Variants in SORL1 observed in about 807,000 individuals in gnomAD.
SORL1 encodes the protein sortilin related receptor 1, also known as sortilin-related receptor.
SORL1 carries 127 observed loss-of-function variants against 273.7 expected under a neutral mutation model. That is an observed-to-expected ratio of 0.46 (90% CI 0.40 to 0.54). SORL1 has a LOEUF of 0.54. Ranked by LOEUF, SORL1 falls within the 20% of genes least tolerant of loss-of-function variation. The probability of loss-of-function intolerance (pLI) is 0.00; values close to 1 mark genes in which losing one functional copy is unlikely to be tolerated. For missense variants in SORL1, 2,494 were observed against 2,846.1 expected, an observed-to-expected ratio of 0.88 and a Z score of 2.81; for synonymous variants, 1,031 against 1,067.4, an observed-to-expected ratio of 0.97 and a Z score of 0.66.
chr11:121,568,993 A>G (rs1203368151), intron 22 of SORL1, among the ~76,000 whole-genome samples: 1 of 152,216 alleles, frequency 6.6e-6, no homozygotes. Flanking sequence ...GACCAGCTGA[A>G]GCCATGGCAG....
intron 11 of SORL1, among the ~76,000 whole-genome samples, chr11:121,525,844 A>G (rs1862113499): frequency 6.6e-6 from 1 of 152,124 alleles, no homozygotes; most frequent in Non-Finnish European, 1.5e-5. Flanking sequence ...AGCCATGGGC[A>G]ACATAGGGAA....
intron 46 of SORL1, chr11:121,626,640 C>G (rs922554286): frequency 1.3e-5 from 2 of 152,376 alleles, no homozygotes; most frequent in African/African-American, 4.8e-5. Flanking sequence ...TGCGCCACCT[C>G]TCCCGACACC....
At position 121,550,916 on chromosome 11, in the gene SORL1, T is replaced by C. The variant is rs1403175043; in HGVS notation, c.2266+246T>C. The stretch of plus-strand genomic sequence containing the variant: ...TCAGTTTCTTTGAGGGAAATCCCTT[T>C]GTTAATTGAAAAATATTTATTCAGC... On this transcript the variant is annotated intron_variant, in intron 16 of 47. Coordinates refer to ENST00000260197, the MANE Select transcript of SORL1 (RefSeq NM_003105.6). The surrounding 1 kb of genome is among the most constrained non-coding windows in gnomAD (Gnocchi z 5.3). 6.6e-6 allele frequency among the ~76,000 whole-genome samples: 1 copy of C among 152,210 alleles called. No homozygotes were observed. The highest frequency in any genetic ancestry group is 1.5e-5 in the Non-Finnish European group (1 of 68,036).
At position 121,606,912 on chromosome 11, in the gene SORL1, C is replaced by G. The variant is rs919631383; in HGVS notation, c.5016C>G (p.His1672Gln). 4 of 1,614,170 alleles carry G rather than the reference C, an allele frequency of 2.5e-6. No individual in the cohort carries two copies. Among genetic ancestry groups the G allele is most frequent in the Non-Finnish European group, 3.4e-6 (4 of 1,179,990 alleles). ...PREAEGVIVG[H>Q]WAPPIHTHGL... ...AAGCAGAAGGTGTGATTGTAGGCCA[C>G]TGGGCTCCTCCCATCCACACCCATG... Residue 1672 changes from histidine (H) to glutamine (Q), a missense_variant, in exon 36 of 48, where the codon CAC (histidine) becomes CAG (glutamine). His to Gln is a conservative substitution (Grantham distance 24, BLOSUM62 0). Transcript: ENST00000260197.
At chr11:121,589,546 G>A (rs965260447) in intron 29 of SORL1, among the ~76,000 whole-genome samples, 156 bp downstream of exon 29, 4 of 152,210 alleles carry the variant, frequency 2.6e-5, no homozygotes, top group African/African-American at 9.6e-5. Context: ...TACGAGTTGA[G>A]TCTTGAAGGG....
rs1458067584 is a variant in SORL1, at chr11:121,458,001, C to G, written c.285+5385C>G. 3.3e-5 allele frequency among the ~76,000 whole-genome samples: 5 copies of G among 152,304 alleles called. No homozygotes were observed. The East Asian group carries it at 9.6e-4, about 29-fold the overall frequency. ...GTCTGTTCCTCCTTAGAGATGACAG[C>G]CATCTTCATAGTGTCATTGTTGAAT... On this transcript the variant is annotated intron_variant, in intron 1 of 47. Coordinates refer to ENST00000260197, the MANE Select transcript of SORL1 (RefSeq NM_003105.6).
chr11:121,456,585 T>C (rs1035066771), intron 1 of SORL1, among the ~76,000 whole-genome samples: 2 of 152,208 alleles, frequency 1.3e-5, no homozygotes, highest in Non-Finnish European at 2.9e-5. Context: ...GCCTGTGCTA[T>C]ATGGGAGTTA....
At chr11:121,498,545 G>A (rs912099280) in intron 6 of SORL1, among the ~76,000 whole-genome samples, 18 of 152,182 alleles carry the variant, frequency 1.2e-4, no homozygotes, top group African/African-American at 4.1e-4. Context: ...TCTCTTAACC[G>A]GGTTATTTCT....
chr11:121,550,808 C>T lies in SORL1; in HGVS notation c.2266+138C>T. The stretch of plus-strand genomic sequence containing the variant: ...GCCGTCACAAGCATCACAGGGCTTC[C>T]TCTTTTCCCTAAGGTTGGTTTCCAC... On this transcript the variant is annotated intron_variant, in intron 16 of 47. Coordinates refer to ENST00000260197, the MANE Select transcript of SORL1 (RefSeq NM_003105.6). This position sits in a 1 kb window ranked among gnomAD's most constrained non-coding sequence, Gnocchi z 5.3. 1.5e-6 allele frequency: 1 copy of T among 660,620 alleles called. No individual in the cohort carries two copies. 40.9% of individuals were successfully genotyped at this position (660,620 alleles called of 1,614,324 possible).
chr11:121,549,107 G>T (rs1318055741), intron 14 of SORL1, among the ~76,000 whole-genome samples: 1 of 152,192 alleles, frequency 6.6e-6, no homozygotes, highest in East Asian at 1.9e-4. Context: ...GGGAGGTTTG[G>T]CAGATGTGAC....
At chr11:121,611,054 T>C in intron 38 of SORL1, 22 bp from the exon 39 acceptor site, 1 of 1,582,400 alleles carries the variant, frequency 6.3e-7, no homozygotes, top group African/African-American at 1.3e-5. Flanking sequence ...GCTTCTGTTT[T>C]TGAATTCCTT....
rs1863282656 is a variant in SORL1 at position 121,595,640 on chromosome 11, T to G, written c.4387T>G (p.Ser1463Ala). ...TATTTTAGCAAACGTCACTGCTGCCTCCACTCCCACCCAACTTGGGCGATG... is the reference window on the plus strand; with the variant it reads ...TATTTTAGCAAACGTCACTGCTGCCGCCACTCCCACCCAACTTGGGCGATG... Reference protein sequence around the residue: ...CPLLANVTAASTPTQLGRCDR... With the variant: ...CPLLANVTAAATPTQLGRCDR... Residue 1463 changes from serine (S) to alanine (A), a missense_variant, in exon 32 of 48, where the codon TCC becomes GCC. This residue lies in a region of SORL1 where 1,609 missense variants were observed against 1,816.4 expected (regional missense o/e 0.89). Transcript: ENST00000260197. This position sits in a 1 kb window ranked among gnomAD's most constrained non-coding sequence, Gnocchi z 5.1. The G allele has an allele frequency of 6.2e-7, 1 of 1,607,516 alleles. No individual in the cohort carries two copies. Among genetic ancestry groups the G allele is most frequent in the African/African-American group, 1.3e-5 (1 of 74,814 alleles).
chr11:121,523,640 C>T (rs536353452), intron 11 of SORL1, among the ~76,000 whole-genome samples: 1 of 152,116 alleles, frequency 6.6e-6, no homozygotes, highest in African/African-American at 2.4e-5. Context: ...TGTTGCCAGC[C>T]TCCCATTGAT....
At chr11:121,586,693 TGGGGGGGGGGGCG>T (rs1863117015) in intron 27 of SORL1, among the ~76,000 whole-genome samples, 1 of 97,160 alleles carries the variant, frequency 1.0e-5, no homozygotes, top group Admixed American at 1.2e-4. Flanking sequence ...GGGGGTAGAG[TGGGGGGGGGGGCG>T]GGGGGGGGGC....
In SORL1 at chr11:121,554,456, A is replaced by G. The variant is rs939350072; in HGVS notation, c.2439+347A>G. ...TGAGCATCTTTCTTCCCAAGCCATG[A>G]TACAGTAACACTTGACTTACCCATA... is the stretch of plus-strand genomic sequence containing the variant. On this transcript the variant is annotated intron_variant, in intron 17 of 47. Coordinates refer to ENST00000260197, the MANE Select transcript of SORL1 (RefSeq NM_003105.6). This position sits in a 1 kb window ranked among gnomAD's most constrained non-coding sequence, Gnocchi z 4.6. Among the ~76,000 whole-genome samples the G allele has an allele frequency of 1.3e-5, 2 of 152,146 alleles. No homozygotes were observed. Among genetic ancestry groups the G allele is most frequent in the Non-Finnish European group, 2.9e-5 (2 of 68,028 alleles).
At chr11:121,462,271 T>G (rs1247647140) in intron 1 of SORL1, among the ~76,000 whole-genome samples, 1 of 152,180 alleles carries the variant, frequency 6.6e-6, no homozygotes, top group Non-Finnish European at 1.5e-5. Context: ...CACACTGATC[T>G]TGTAATTTTT....
At chr11:121,500,975 A>G (rs755260960) in intron 6 of SORL1, among the ~76,000 whole-genome samples, 22 of 152,246 alleles carry the variant, frequency 1.4e-4, no homozygotes, top group Non-Finnish European at 2.8e-4. Context: ...GTAACAGAAC[A>G]GTTTAGTAAC....
At chr11:121,509,931 C>A (rs1037528951) in intron 6 of SORL1, among the ~76,000 whole-genome samples, 1 of 152,138 alleles carries the variant, frequency 6.6e-6, no homozygotes, top group Non-Finnish European at 1.5e-5. Flanking sequence ...GTTGGTACAA[C>A]CTTTCAGGAG....
At chr11:121,579,680 T>C (rs1439937642) in intron 25 of SORL1, among the ~76,000 whole-genome samples, 4 of 152,248 alleles carry the variant, frequency 2.6e-5, no homozygotes, top group Admixed American at 2.0e-4. Flanking sequence ...ATACCTAGTA[T>C]TTTAAACACT....
Sources: gnomAD v4.1 joint callset for allele counts (sites outside exome capture counted in the v4.1 genomes callset) on GRCh38, gnomAD v4.1.1 for gene constraint, gnomAD v4.1.1 regional missense constraint, Gnocchi (gnomAD v3.1) non-coding constraint, MANE v1.5 for transcripts, NCBI Gene and HGNC (gene_info 2026-07-23, HGNC 2026-07-21) for gene names.